ERBB4: variants seen among roughly 807,000 people sequenced by gnomAD.
ERBB4 encodes erb-b2 receptor tyrosine kinase 4.
A neutral mutation model predicts 158.0 loss-of-function variants in ERBB4; 42 were observed. The ratio of observed to expected loss-of-function variants is 0.27; its 90% CI spans 0.21 to 0.34. The LOEUF is 0.34. Among genes scored for constraint, ERBB4 ranks in the 10% least tolerant of loss-of-function variants. The pLI is 1.00. For synonymous variants in ERBB4, 583 were observed against 558.7 expected (o/e 1.04, Z -0.61); for missense variants, 1,333 against 1,624.1 (o/e 0.82, Z 3.08).
chr2:211,522,946 AT>A (rs1406619339), intron 20 of ERBB4, among the ~76,000 whole-genome samples: 4 of 151,752 alleles, frequency 2.6e-5, no homozygotes, highest in African/African-American at 9.7e-5. Flanking sequence ...AACCCATAAT[AT>A]CGTGGAGGTA....
At chr2:211,804,224 A>G (rs1404474718) in intron 3 of ERBB4, among the ~76,000 whole-genome samples, 2 of 152,206 alleles carry the variant, frequency 1.3e-5, no homozygotes, top group Non-Finnish European at 2.9e-5. Context: ...TAAAAAATCT[A>G]AAGATTAGAG....
chr2:212,189,082 TGG>T (rs770488299), intron 1 of ERBB4, among the ~76,000 whole-genome samples: 1,495 of 103,564 alleles, frequency 0.014, 31 homozygotes, highest in African/African-American at 0.052. Flanking sequence ...ACTTTTTTTT[TGG>T]GGGGGGGGGT....
At chr2:211,762,397 A>C (rs2075437483) in intron 4 of ERBB4, among the ~76,000 whole-genome samples, 1 of 152,218 alleles carries the variant, frequency 6.6e-6, no homozygotes, top group South Asian at 2.1e-4. Flanking sequence ...CGAATAACCC[A>C]ACTCCAGTGA....
intron 3 of ERBB4, among the ~76,000 whole-genome samples, chr2:211,875,176 C>A (rs1245291143): frequency 2.0e-5 from 3 of 151,114 alleles, no homozygotes; most frequent in Non-Finnish European, 4.4e-5. Context: ...CAAGCTACTG[C>A]AAATTCCCCT....
At chr2:211,674,986 T>C (rs1264978315) in intron 13 of ERBB4, among the ~76,000 whole-genome samples, 1 of 152,148 alleles carries the variant, frequency 6.6e-6, no homozygotes, top group Non-Finnish European at 1.5e-5. Context: ...CTATTGCCCT[T>C]TTCTTCCATA....
chr2:211,393,806 AG>A (rs2062855228), intron 25 of ERBB4, among the ~76,000 whole-genome samples: 1 of 147,648 alleles, frequency 6.8e-6, no homozygotes, highest in Non-Finnish European at 1.5e-5. Flanking sequence ...CTTTCCTACA[AG>A]TCCTTTTTAT....
At chr2:211,985,066 G>A (rs1050614025) in intron 2 of ERBB4, among the ~76,000 whole-genome samples, 2 of 152,104 alleles carry the variant, frequency 1.3e-5, no homozygotes, top group Admixed American at 1.3e-4. Context: ...ATTTTGAAAA[G>A]CTAAGAAAAA....
At chr2:211,505,713 C>A (rs1301177045) in intron 20 of ERBB4, among the ~76,000 whole-genome samples, 1 of 152,170 alleles carries the variant, frequency 6.6e-6, no homozygotes, top group African/African-American at 2.4e-5. Context: ...GTAATCCCAG[C>A]ACTTTGGGAG....
At chr2:211,789,247 T>A (rs1361363117) in intron 3 of ERBB4, among the ~76,000 whole-genome samples, 2 of 152,132 alleles carry the variant, frequency 1.3e-5, no homozygotes, top group Non-Finnish European at 2.9e-5. Context: ...CTACAATTAA[T>A]CAAAACCCAA....
chr2:211,571,041 C>CTTTTTTTTTTTTTTTTTT (rs549254649), intron 19 of ERBB4, among the ~76,000 whole-genome samples: 16 of 109,074 alleles, frequency 1.5e-4, no homozygotes, highest in African/African-American at 5.3e-4. Context: ...TACTCTTCTT[C>CTTTTTTTTTTTTTTTTTT]TTTTTTTTTT....
At position 211,383,420 on chromosome 2, in the gene ERBB4, C is replaced by T; in HGVS notation, c.*195G>A. Reference sequence around the variant, plus strand: ...AAATGAAGAAACATTGTGGTTCCTCCTATCTTTCTCTTTCAGTCTTTCCCT... The same window carrying T: ...AAATGAAGAAACATTGTGGTTCCTCTTATCTTTCTCTTTCAGTCTTTCCCT... On this transcript the variant is annotated 3_prime_UTR_variant, in exon 28 of 28. Transcript: ENST00000342788. 2 of 595,028 alleles carry T rather than the reference C, an allele frequency of 3.4e-6. No homozygotes were observed. Among genetic ancestry groups the T allele is most frequent in the Non-Finnish European group, 6.0e-6 (2 of 334,020 alleles). The allele number at this position is 595,028 out of a possible 1,614,324, so 36.9% of individuals were successfully genotyped here. A position where few individuals can be genotyped will look rare whatever the true frequency, so the allele number is the denominator to read the frequency against.
chr2:211,417,321 A>C (rs942783304), intron 25 of ERBB4, among the ~76,000 whole-genome samples: 1 of 87,778 alleles, frequency 1.1e-5, no homozygotes, highest in Non-Finnish European at 2.3e-5. Flanking sequence ...AAAAAATATA[A>C]AAAAAAATTA....
chr2:212,171,596 G>A (rs1033643247), intron 1 of ERBB4, among the ~76,000 whole-genome samples: 1 of 152,122 alleles, frequency 6.6e-6, no homozygotes, highest in Admixed American at 6.5e-5. Flanking sequence ...GGACCAGGTT[G>A]AAGGTGATTG....
intron 1 of ERBB4, among the ~76,000 whole-genome samples, chr2:212,323,071 T>A (rs2087643362): frequency 1.3e-5 from 2 of 150,530 alleles, no homozygotes. Flanking sequence ...AGAGTAATCC[T>A]TTATACACTA....
At chr2:212,333,138 T>C (rs970737907) in intron 1 of ERBB4, among the ~76,000 whole-genome samples, 3 of 152,002 alleles carry the variant, frequency 2.0e-5, no homozygotes, top group African/African-American at 7.2e-5. Flanking sequence ...GTATAAAATA[T>C]CAGAATTTAG....
chr2:211,985,950 C>T (rs1322618213), intron 2 of ERBB4, among the ~76,000 whole-genome samples: 1 of 152,118 alleles, frequency 6.6e-6, no homozygotes, highest in Non-Finnish European at 1.5e-5. Flanking sequence ...AGACTGTGAC[C>T]TTATTTGGAA....
At chr2:211,674,981 G>A (rs1406174173) in intron 13 of ERBB4, among the ~76,000 whole-genome samples, 4 of 152,062 alleles carry the variant, frequency 2.6e-5, no homozygotes, top group Non-Finnish European at 5.9e-5. Context: ...ATGGCCTATT[G>A]CCCTTTTCTT....
At chr2:212,526,977 G>T (rs1252785089) in intron 1 of ERBB4, among the ~76,000 whole-genome samples, 1 of 151,912 alleles carries the variant, frequency 6.6e-6, no homozygotes, top group Non-Finnish European at 1.5e-5. Context: ...TAGCCTGAGG[G>T]TAAAAGTCAA....
chr2:211,556,361 C>A (rs1297687157), intron 20 of ERBB4, among the ~76,000 whole-genome samples: 2 of 152,162 alleles, frequency 1.3e-5, no homozygotes, highest in Non-Finnish European at 2.9e-5. Flanking sequence ...ACCCCACTGA[C>A]ATTATCAGAC....
Sources: allele counts gnomAD v4.1 joint callset (sites outside exome capture counted in the v4.1 genomes callset), GRCh38; gene constraint gnomAD v4.1.1; transcripts MANE v1.5; gene names NCBI Gene and HGNC (gene_info 2026-07-23, HGNC 2026-07-21).